The following FXR2 variants were observed in gnomAD, a reference collection of about 807,000 sequenced individuals.
FXR2 encodes the protein RNA-binding protein FXR2.
FXR2 carries 9 observed loss-of-function variants against 87.3 expected under a neutral mutation model. The ratio of observed to expected loss-of-function variants is 0.10; its 90% CI spans 0.06 to 0.18. The LOEUF (loss-of-function observed/expected upper bound fraction) is 0.18. Ranked by LOEUF, FXR2 falls within the 10% of genes least tolerant of loss-of-function variation. FXR2 has a pLI of 1.00. For synonymous variants in FXR2, 331 were observed against 328.3 expected, an observed-to-expected ratio of 1.01 and a Z score of -0.09; for missense variants, 661 against 893.6, an observed-to-expected ratio of 0.74 and a Z score of 3.32.
At position 7,614,509 on chromosome 17, in the gene FXR2, C is replaced by A. The variant is rs1259269872; in HGVS notation, c.24G>T (p.Gly8=). ...CGACGGGCAGTCCCGGCTCCACATCCCCCCCAGAGGCCAGGCCGCCCATGG... is the reference window on the plus strand; with the variant it reads ...CGACGGGCAGTCCCGGCTCCACATCACCCCCAGAGGCCAGGCCGCCCATGG... MGGLASG[G]DVEPGLPVEV... is the part of the protein sequence containing the mutation. The change falls in exon 1 of 17, where the codon GGG becomes GGT. Residue 8 remains glycine (G), a synonymous_variant. Transcript: ENST00000250113. The A allele has an allele frequency of 2.0e-6, 3 of 1,525,066 alleles. No individual in the cohort carries two copies. The highest frequency in any genetic ancestry group is 2.6e-6 in the Non-Finnish European group (3 of 1,140,060). The allele number at this position is 1,525,066 out of a possible 1,614,324, so 94.5% of individuals were successfully genotyped here. A position where few individuals can be genotyped will look rare whatever the true frequency, so the allele number is the denominator to read the frequency against.
chr17:7,611,963 T>C (rs772884266), intron 1 of FXR2, among the ~76,000 whole-genome samples: 3 of 152,190 alleles, frequency 2.0e-5, no homozygotes, highest in Non-Finnish European at 4.4e-5. Context: ...ATTACCTGGC[T>C]TTCAGCTCAA....
rs768078117 is a variant in FXR2 at position 7,592,663 on chromosome 17, C to CT, written c.1729+30dup. 6.2e-7 allele frequency: 1 copy of CT among 1,613,366 alleles called. No individual in the cohort carries two copies. Among genetic ancestry groups the CT allele is most frequent in the Non-Finnish European group, 8.5e-7 (1 of 1,179,428 alleles). ...TCCCACCCTCGATTCCTACCCATCT[C>CT]TAACTTTCCAGACCCCAGGCACACC... On this transcript the variant is annotated intron_variant, in intron 14 of 16. Coordinates refer to ENST00000250113, the MANE Select transcript of FXR2 (RefSeq NM_004860.4). The surrounding 1 kb of genome is among the most constrained non-coding windows in gnomAD (Gnocchi z 4.8).
chr17:7,597,648 A>C (rs1034935688), intron 7 of FXR2, among the ~76,000 whole-genome samples: 1 of 152,104 alleles, frequency 6.6e-6, no homozygotes, highest in Non-Finnish European at 1.5e-5. Flanking sequence ...ACCTCAGGCA[A>C]TCCACCTGCC....
chr17:7,593,087 G>A lies in FXR2; in HGVS notation c.1425C>T (p.Thr475=). The A allele has an allele frequency of 6.3e-7, 1 of 1,593,158 alleles. No homozygotes were observed. The change falls in exon 13 of 17, where the codon ACC becomes ACT. Residue 475 remains threonine, a synonymous_variant. Transcript: ENST00000250113. This position sits in a 1 kb window ranked among gnomAD's most constrained non-coding sequence, Gnocchi z 6.1. ...GCCGCCTCCGGCTTTCTTCCCCTCG[G>A]GTTGGGGGATCCCTGTCGCCAGGCC... ...RAGPGDRDPP[T]RGEESRRRPT...
chr17:7,599,911 C>G (rs2071739387), intron 7 of FXR2, among the ~76,000 whole-genome samples: 1 of 151,878 alleles, frequency 6.6e-6, no homozygotes, highest in Non-Finnish European at 1.5e-5. Context: ...TCCTTTTTTT[C>G]TTTGAGATGG....
Position 7,603,731 on chromosome 17 carries a change from T to G in FXR2, c.449+26A>C, listed in dbSNP as rs765132364. The stretch of plus-strand genomic sequence containing the variant: ...GAGATTAGGGCTGTAAAGAGGGCCC[T>G]CATTCCCACCATCCTTAACACTCAC... On this transcript the variant is annotated intron_variant, in intron 5 of 16. Transcript: ENST00000250113. The G allele has an allele frequency of 2.5e-6, 4 of 1,611,450 alleles. No homozygotes were observed. In the Admixed American group the frequency reaches 6.7e-5, roughly 27 times the overall value.
At chr17:7,612,449 T>C (rs2071874856) in intron 1 of FXR2, among the ~76,000 whole-genome samples, 1 of 152,114 alleles carries the variant, frequency 6.6e-6, no homozygotes, top group Admixed American at 6.6e-5. Context: ...GGAGGCAGGC[T>C]AGAAGAAAAA....
chr17:7,606,647 G>C (rs1300006421), intron 1 of FXR2, among the ~76,000 whole-genome samples: 1 of 152,118 alleles, frequency 6.6e-6, no homozygotes, highest in African/African-American at 2.4e-5. Context: ...ACAATAATCG[G>C]AACACTAGAC....
chr17:7,593,768 C>T lies in FXR2; in HGVS notation c.1108-143G>A. The T allele has an allele frequency of 1.1e-5, 9 of 816,724 alleles. No individual in the cohort carries two copies. The highest frequency in any genetic ancestry group is 1.8e-5 in the Non-Finnish European group (9 of 502,522). The allele number at this position is 816,724 out of a possible 1,614,324, so 50.6% of individuals were successfully genotyped here. The stretch of plus-strand genomic sequence containing the variant: ...AGACACTGGCTAAACAAGGAAAATT[C>T]TGGGACCCAACCCTATAGCCCCAAA... On this transcript the variant is annotated intron_variant, in intron 11 of 16. Transcript: ENST00000250113. The surrounding 1 kb of genome is among the most constrained non-coding windows in gnomAD (Gnocchi z 6.1).
Position 7,614,581 on chromosome 17 carries a change from C to T in FXR2, c.-49G>A. ...CCCCGGCGGCGGCTGCAGCAGCAGT[C>T]TGAGTGCGGGCCGGGCCAGGCCCCC... On this transcript the variant is annotated 5_prime_UTR_variant, in exon 1 of 17. Transcript: ENST00000250113. 1 of 1,262,246 alleles carries T rather than the reference C, an allele frequency of 7.9e-7. No homozygotes were observed. The highest frequency in any genetic ancestry group is 1.0e-6 in the Non-Finnish European group (1 of 959,488). 78.2% of individuals were successfully genotyped at this position (1,262,246 alleles called of 1,614,324 possible). A position where few individuals can be genotyped will look rare whatever the true frequency, so the allele number is the denominator to read the frequency against.
intron 3 of FXR2, among the ~76,000 whole-genome samples, chr17:7,604,447 G>A (rs1381038017): frequency 6.6e-6 from 1 of 151,950 alleles, no homozygotes; most frequent in African/African-American, 2.4e-5. Flanking sequence ...CATAATCCCA[G>A]GACTTTGGCT....
rs1018439834 is a variant in FXR2, at chr17:7,593,563, C to T, written c.1170G>A (p.Leu390=). The change falls in exon 12 of 17, where the codon CTG becomes CTA. Residue 390 remains leucine, a synonymous_variant. Coordinates refer to ENST00000250113, the MANE Select transcript of FXR2 (RefSeq NM_004860.4). This position sits in a 1 kb window ranked among gnomAD's most constrained non-coding sequence, Gnocchi z 6.1. ...GCCCACTCCCAGGAGGGCGAAAGCC[C>T]AGCCCAATCTGCCGAAGCTGCTCAT... ...QIDEQLRQIG[L]GFRPPGSGRG... is the part of the protein sequence containing the mutation. The T allele has an allele frequency of 2.9e-5, 47 of 1,597,554 alleles. No individual in the cohort carries two copies. Among genetic ancestry groups the T allele is most frequent in the Non-Finnish European group, 3.8e-5 (45 of 1,173,560 alleles).
intron 1 of FXR2, among the ~76,000 whole-genome samples, chr17:7,609,689 G>C (rs1010656838): frequency 6.6e-6 from 1 of 151,412 alleles, no homozygotes; most frequent in African/African-American, 2.4e-5. Flanking sequence ...CTTCCCTTTT[G>C]GGTTCTTCCC....
At chr17:7,599,191 C>G (rs2071732704) in intron 7 of FXR2, among the ~76,000 whole-genome samples, 1 of 151,472 alleles carries the variant, frequency 6.6e-6, no homozygotes, top group Admixed American at 6.6e-5. Context: ...TCCCACCCAC[C>G]CAAAGGCTGA....
chr17:7,602,851 A>G, intron 6 of FXR2, 58 bp downstream of exon 6: 1 of 838,128 alleles, frequency 1.2e-6, no homozygotes, highest in Non-Finnish European at 2.0e-6. Context: ...AGGGTTAAAA[A>G]GGGAAAAAGA....
At chr17:7,600,710 C>A (rs756111165) in intron 7 of FXR2, among the ~76,000 whole-genome samples, 7 of 151,850 alleles carry the variant, frequency 4.6e-5, no homozygotes, top group Admixed American at 1.3e-4. Context: ...ATGGTGAAAC[C>A]CCATCAATAC....
rs2071927223 is a variant in FXR2, at chr17:7,614,618, G to A, written c.-86C>T. 2.5e-6 allele frequency: 2 copies of A among 814,692 alleles called. No homozygotes were observed. Among genetic ancestry groups the A allele is most frequent in the Non-Finnish European group, 3.3e-6 (2 of 604,436 alleles). 50.5% of individuals were successfully genotyped at this position (814,692 alleles called of 1,614,324 possible). A position where few individuals can be genotyped will look rare whatever the true frequency, so the allele number is the denominator to read the frequency against. Reference sequence around the variant, plus strand: ...CGGGCCAGGCCCCCGGCGTCTCCCCGGAGGAGGAGCCGGAGGGGGAGCCGC... The same window carrying A: ...CGGGCCAGGCCCCCGGCGTCTCCCCAGAGGAGGAGCCGGAGGGGGAGCCGC... On this transcript the variant is annotated 5_prime_UTR_variant, in exon 1 of 17. Transcript: ENST00000250113.
intron 3 of FXR2, 117 bp from the exon 4 acceptor site, chr17:7,604,197 T>A: frequency 1.3e-6 from 1 of 769,074 alleles, no homozygotes. Flanking sequence ...TTTGGGAGGC[T>A]GAGGCAAAAG....
chr17:7,612,861 T>C (rs1008542620), intron 1 of FXR2, among the ~76,000 whole-genome samples: 1 of 151,330 alleles, frequency 6.6e-6, no homozygotes, highest in Non-Finnish European at 1.5e-5. Context: ...CCGGGCATGG[T>C]GGTGGGCACC....
Sources: allele counts gnomAD v4.1 joint callset (sites outside exome capture counted in the v4.1 genomes callset), GRCh38; gene constraint gnomAD v4.1.1; non-coding constraint Gnocchi (gnomAD v3.1); transcripts MANE v1.5; gene names NCBI Gene and HGNC (gene_info 2026-07-23, HGNC 2026-07-21).